Variants in ZFC3H1 observed in about 807,000 individuals in gnomAD.
ZFC3H1 encodes the protein zinc finger C3H1-type containing.
ZFC3H1 carries 71 observed loss-of-function variants against 243.7 expected under a neutral mutation model. The observed-to-expected ratio is 0.29, with a 90% CI of 0.24 to 0.36. The LOEUF (loss-of-function observed/expected upper bound fraction) is 0.36. Ranked by LOEUF, ZFC3H1 falls within the 10% of genes least tolerant of loss-of-function variation. ZFC3H1 has a pLI of 1.00. For missense variants in ZFC3H1, 1,966 were observed against 2,317.1 expected (o/e 0.85, Z 3.11); for synonymous variants, 838 against 813.0 (o/e 1.03, Z -0.52).
intron 24 of ZFC3H1, among the ~76,000 whole-genome samples, chr12:71,622,565 C>A (rs773693473): frequency 6.6e-6 from 1 of 152,040 alleles, no homozygotes; most frequent in Non-Finnish European, 1.5e-5. Flanking sequence ...TGGGCTCAAG[C>A]GATTCTCATG....
Position 71,663,382 on chromosome 12 carries a change from A to C in ZFC3H1, c.229T>G (p.Ser77Ala). ...TTCCTCAGCTGCTGCTGAGAAGAGGACGATGACGAGGAAGAGCCACCGCCT... is the reference window on the plus strand; with the variant it reads ...TTCCTCAGCTGCTGCTGAGAAGAGGCCGATGACGAGGAAGAGCCACCGCCT... ...GGGGGSSSSS[S>A]SSQQQLRNFS... Residue 77 changes from serine to alanine, a missense_variant, in exon 1 of 35, where the codon TCC becomes GCC. By Grantham distance (99) the Ser-to-Ala change is moderately conservative. Around this residue, in one of 4 missense-constraint regions of ZFC3H1, gnomAD observed 484 missense variants for 449.7 expected, o/e 1.08. Transcript: ENST00000378743. 1 of 1,612,498 alleles carries C rather than the reference A, an allele frequency of 6.2e-7. No homozygotes were observed. The highest frequency in any genetic ancestry group is 8.5e-7 in the Non-Finnish European group (1 of 1,180,016).
intron 30 of ZFC3H1, 133 bp downstream of exon 30, chr12:71,614,402 C>G (rs1879845725): frequency 6.3e-6 from 5 of 797,862 alleles, no homozygotes; most frequent in Non-Finnish European, 9.0e-6. Flanking sequence ...GAAACATAGT[C>G]AAGAATAATA....
Position 71,654,850 on chromosome 12 carries a change from C to G in ZFC3H1, c.1015+2035G>C, listed in dbSNP as rs112315212. ...TCCGAGACATGAGGATACAGAAAGA[C>G]TGAAAGAGTGGGAAATTATATAAAG... On this transcript the variant is annotated intron_variant, in intron 2 of 34. Transcript: ENST00000378743. 7.8e-4 allele frequency among the ~76,000 whole-genome samples: 119 copies of G among 152,026 alleles called. 1 individual carries two copies. The highest frequency in any genetic ancestry group is 7.6e-3 in the Admixed American group (116 of 15,266).
At chr12:71,622,389 T>C (rs911925472) in intron 24 of ZFC3H1, among the ~76,000 whole-genome samples, 1 of 152,168 alleles carries the variant, frequency 6.6e-6, no homozygotes, top group Non-Finnish European at 1.5e-5. Flanking sequence ...ATCATGCCAA[T>C]CTATAATAAT....
At position 71,611,048 on chromosome 12, in the gene ZFC3H1, C is replaced by T; in HGVS notation, c.5769+10G>A. ...AAAAGTGACCCATCTGAGATTCAAC[C>T]ATGGCTTACCTCTCTTTGTCCCTTT... On this transcript the variant is annotated intron_variant, in intron 33 of 34. Transcript: ENST00000378743. 1.9e-6 allele frequency: 3 copies of T among 1,594,004 alleles called. No homozygotes were observed. Among genetic ancestry groups the T allele is most frequent in the East Asian group, 2.2e-5 (1 of 44,558 alleles).
rs368259965 is a variant in ZFC3H1, at chr12:71,663,595, T to G, written c.16A>C (p.Thr6Pro). The change falls in exon 1 of 35, where the codon ACT (threonine) becomes CCT (proline). Residue 6 changes from threonine (T) to proline (P), a missense_variant. Around this residue, in one of 4 missense-constraint regions of ZFC3H1, gnomAD observed 484 missense variants for 449.7 expected, o/e 1.08. Coordinates refer to ENST00000378743, the MANE Select transcript of ZFC3H1 (RefSeq NM_144982.5). MATAD[T>P]PAPASSGLSP... ...AGGCCACTGGAGGCCGGGGCCGGAG[T>G]ATCTGCGGTCGCCATCCGGGGAGCA... 2 of 1,609,906 alleles carry G rather than the reference T, an allele frequency of 1.2e-6. No homozygotes were observed. The highest frequency in any genetic ancestry group is 1.3e-5 in the African/African-American group (1 of 74,890).
chr12:71,655,038 CCT>C (rs1200129231), intron 2 of ZFC3H1, among the ~76,000 whole-genome samples: 1 of 152,008 alleles, frequency 6.6e-6, no homozygotes, highest in Non-Finnish European at 1.5e-5. Context: ...TTAACAAACT[CCT>C]CTTAGTAACT....
chr12:71,657,104 AG>A lies in ZFC3H1; in HGVS notation c.795del (p.Phe266SerfsTer20). 6.2e-7 allele frequency: 1 copy of A among 1,613,952 alleles called. No homozygotes were observed. Among genetic ancestry groups the A allele is most frequent in the Non-Finnish European group, 8.5e-7 (1 of 1,179,934 alleles). ...ENVQEDPKTL[N>X]FEDQTSTDNV... Reference sequence around the variant, plus strand: ...TTATCAGTGCTAGTTTGGTCCTCGAAGTTCAATGTTTTAGGATCTTCCTGCA... The same window carrying A: ...TTATCAGTGCTAGTTTGGTCCTCGAATTCAATGTTTTAGGATCTTCCTGCA... On this transcript the variant is annotated frameshift_variant, in exon 2 of 35. Transcript: ENST00000378743. LOFTEE classifies it high-confidence loss of function.
intron 14 of ZFC3H1, 58 bp downstream of exon 14, chr12:71,632,828 A>C: frequency 6.3e-7 from 1 of 1,592,238 alleles, no homozygotes; most frequent in Non-Finnish European, 8.5e-7. Context: ...CTTACCCTTA[A>C]AACTATCATA....
In ZFC3H1 at chr12:71,631,961, T is replaced by C. The variant is rs1398455947; in HGVS notation, c.3360+11A>G. ...TCCAGATTTTAAAGAAAATATGAAA[T>C]GTTCAGTTACCTGACCATGCAAAAC... On this transcript the variant is annotated intron_variant, in intron 15 of 34. Coordinates refer to ENST00000378743, the MANE Select transcript of ZFC3H1 (RefSeq NM_144982.5). 6.2e-7 allele frequency: 1 copy of C among 1,602,636 alleles called. No homozygotes were observed. The highest frequency in any genetic ancestry group is 2.2e-5 in the East Asian group (1 of 44,808).
chr12:71,613,186 T>C (rs1447702575), intron 31 of ZFC3H1, 149 bp downstream of exon 31: 8 of 531,916 alleles, frequency 1.5e-5, no homozygotes, highest in Non-Finnish European at 6.1e-6. Context: ...TAGCTAAATA[T>C]TGGCTTAACA....
chr12:71,654,775 T>C (rs1259902702), intron 2 of ZFC3H1, among the ~76,000 whole-genome samples: 1 of 152,126 alleles, frequency 6.6e-6, no homozygotes, highest in African/African-American at 2.4e-5. Flanking sequence ...ACAAAGATTG[T>C]CATACTGAAT....
intron 23 of ZFC3H1, among the ~76,000 whole-genome samples, 172 bp downstream of exon 23, chr12:71,623,932 G>C (rs1321146448): frequency 6.6e-6 from 1 of 152,086 alleles, no homozygotes; most frequent in Non-Finnish European, 1.5e-5. Context: ...AGGCAAATGA[G>C]GAAATAAAGT....
At chr12:71,645,182 T>C (rs1430380114) in intron 3 of ZFC3H1, 107 bp from the exon 4 acceptor site, 6 of 1,013,696 alleles carry the variant, frequency 5.9e-6, no homozygotes, top group East Asian at 2.6e-5. Context: ...TGAAGGCAAA[T>C]ATGACAAGGC....
Position 71,632,876 on chromosome 12 carries a change from A to G in ZFC3H1, c.2817+10T>C. 1 of 1,607,440 alleles carries G rather than the reference A, an allele frequency of 6.2e-7. No homozygotes were observed. The highest frequency in any genetic ancestry group is 1.1e-5 in the South Asian group (1 of 89,190). Reference sequence around the variant, plus strand: ...TTTCCAAAAGTAAAATATTTCTATAAAACCCTCACCCCAAAGCGATCTTGT... The same window carrying G: ...TTTCCAAAAGTAAAATATTTCTATAGAACCCTCACCCCAAAGCGATCTTGT... On this transcript the variant is annotated intron_variant, in intron 14 of 34. Coordinates refer to ENST00000378743, the MANE Select transcript of ZFC3H1 (RefSeq NM_144982.5).
intron 12 of ZFC3H1, 134 bp from the exon 13 acceptor site, chr12:71,633,572 G>T: frequency 1.6e-6 from 1 of 639,858 alleles, no homozygotes; most frequent in Non-Finnish European, 2.6e-6. Context: ...GTAAAGGGAT[G>T]AATATTTTTA....
chr12:71,632,401 G>T lies in ZFC3H1; in HGVS notation c.2931C>A (p.Ala977=). 6.2e-7 allele frequency: 1 copy of T among 1,612,566 alleles called. No individual in the cohort carries two copies. Among genetic ancestry groups the T allele is most frequent in the Non-Finnish European group, 8.5e-7 (1 of 1,179,794 alleles). ...RRLQKLEYEY[A]LKIQKLKEAR... ...CTTCTTTTAATTTTTGAATTTTCAG[G>T]GCATATTCATATTCTAGCTTTTGTA... The change falls in exon 15 of 35, where the codon GCC becomes GCA. Residue 977 remains alanine, a synonymous_variant. Coordinates refer to ENST00000378743, the MANE Select transcript of ZFC3H1 (RefSeq NM_144982.5).
At chr12:71,647,722 T>C (rs1207279893) in intron 3 of ZFC3H1, 27 bp downstream of exon 3, 10 of 1,336,120 alleles carry the variant, frequency 7.5e-6, no homozygotes, top group Non-Finnish European at 1.0e-5. Context: ...CTTACAGAGA[T>C]GATAGTCTCA....
intron 6 of ZFC3H1, among the ~76,000 whole-genome samples, chr12:71,642,084 A>G (rs993923213): frequency 2.0e-5 from 3 of 152,190 alleles, no homozygotes; most frequent in Non-Finnish European, 2.9e-5. Context: ...TCCCGGCCTC[A>G]AGCAATCTGC....
Sources: gnomAD v4.1 joint callset for allele counts (sites outside exome capture counted in the v4.1 genomes callset) on GRCh38, gnomAD v4.1.1 for gene constraint, gnomAD v4.1.1 regional missense constraint, MANE v1.5 for transcripts, NCBI Gene and HGNC (gene_info 2026-07-23, HGNC 2026-07-21) for gene names.